The following DPYSL5 variants were observed in gnomAD, a reference collection of about 807,000 sequenced individuals.
The protein encoded by DPYSL5 is dihydropyrimidinase-related protein 5.
Under a neutral mutation model 58.4 loss-of-function variants are expected in DPYSL5, and 9 were observed. That is an observed-to-expected ratio of 0.15 (90% confidence interval 0.09 to 0.27). The LOEUF (loss-of-function observed/expected upper bound fraction) is 0.27. Among genes scored for constraint, DPYSL5 ranks in the 10% least tolerant of loss-of-function variants. The probability of loss-of-function intolerance (pLI) is 1.00; values close to 1 mark genes in which losing one functional copy is unlikely to be tolerated. For synonymous variants in DPYSL5, 293 were observed against 301.9 expected, an observed-to-expected ratio of 0.97 and a Z score of 0.31; for missense variants, 499 against 770.6, an observed-to-expected ratio of 0.65 and a Z score of 4.17.
intron 1 of DPYSL5, among the ~76,000 whole-genome samples, chr2:26,857,875 G>A (rs969973749): frequency 6.6e-6 from 1 of 152,190 alleles, no homozygotes; most frequent in East Asian, 1.9e-4. Context: ...TCAGCCTGTC[G>A]CATCTCATGT....
chr2:26,946,547 C>T (rs1421547574), intron 12 of DPYSL5, among the ~76,000 whole-genome samples: 2 of 152,054 alleles, frequency 1.3e-5, no homozygotes, highest in African/African-American at 4.8e-5. Flanking sequence ...TTTTCTCTCT[C>T]GCTTACTCAC....
chr2:26,921,536 G>A (rs925189551), intron 2 of DPYSL5, among the ~76,000 whole-genome samples: 25 of 152,262 alleles, frequency 1.6e-4, no homozygotes, highest in African/African-American at 5.8e-4. Flanking sequence ...ACACTAAAAA[G>A]GTCTGTCACA....
At chr2:26,931,152 A>AAAATAT (rs1209140758) in intron 5 of DPYSL5, among the ~76,000 whole-genome samples, 3 of 48,804 alleles carry the variant, frequency 6.1e-5, no homozygotes, top group Admixed American at 2.2e-4. Context: ...AAAAAAAAAA[A>AAAATAT]ATATATATAT....
In DPYSL5 at chr2:26,927,584, T is replaced by C. The variant is rs1664859166; in HGVS notation, c.600+152T>C. On this transcript the variant is annotated intron_variant, in intron 4 of 12. Transcript: ENST00000288699. This position sits in a 1 kb window ranked among gnomAD's most constrained non-coding sequence, Gnocchi z 4.3. ...TGTGGACACCCCAGCTGTCAGATCT[T>C]GGTCAGAAAATCCAAACTTTACTAC... 1.0e-6 allele frequency: 1 copy of C among 993,206 alleles called. No homozygotes were observed. Among genetic ancestry groups the C allele is most frequent in the Non-Finnish European group, 1.4e-6 (1 of 707,490 alleles). 61.5% of individuals were successfully genotyped at this position (993,206 alleles called of 1,614,324 possible). A position where few individuals can be genotyped will look rare whatever the true frequency, so the allele number is the denominator to read the frequency against.
chr2:26,943,999 A>C (rs1665394676), intron 11 of DPYSL5, among the ~76,000 whole-genome samples: 1 of 148,830 alleles, frequency 6.7e-6, no homozygotes, highest in South Asian at 2.1e-4. Flanking sequence ...CGCTCTCTAA[A>C]ATTGACTTCC....
Position 26,898,624 on chromosome 2 carries a change from T to A in DPYSL5, c.125T>A (p.Leu42His), listed in dbSNP as rs1392815078. The A allele has an allele frequency of 1.9e-6, 3 of 1,614,102 alleles. No homozygotes were observed. In the South Asian group the frequency reaches 3.3e-5, roughly 18 times the overall value. ...ATCATCCAGCAGGTGGGCCGCGAGC[T>A]CATGATCCCTGGCGGGGCCAAGGTG... is the stretch of plus-strand genomic sequence containing the variant. ...NGIIQQVGRE[L>H]MIPGGAKVID... Residue 42 changes from leucine (L) to histidine (H), a missense_variant, in exon 2 of 13, where the codon CTC (leucine) becomes CAC (histidine). Physicochemically the swap from Leu to His is moderately conservative, Grantham distance 99. This residue lies in a region of DPYSL5 where 404 missense variants were observed against 647.6 expected (regional missense o/e 0.62). Coordinates refer to ENST00000288699, the MANE Select transcript of DPYSL5 (RefSeq NM_020134.4). This position sits in a 1 kb window ranked among gnomAD's most constrained non-coding sequence, Gnocchi z 6.1.
chr2:26,946,085 C>G (rs1036948925), intron 12 of DPYSL5, among the ~76,000 whole-genome samples: 14 of 152,228 alleles, frequency 9.2e-5, no homozygotes, highest in Non-Finnish European at 1.3e-4. Context: ...GAAAGGGACC[C>G]TGGCATGGAA....
chr2:26,934,417 T>C lies in DPYSL5; in HGVS notation c.791-161T>C, dbSNP rs1665120288. Among the ~76,000 whole-genome samples, 1 of 152,192 alleles carries C rather than the reference T, an allele frequency of 6.6e-6. No homozygotes were observed. The highest frequency in any genetic ancestry group is 1.9e-4 in the East Asian group (1 of 5,194). On this transcript the variant is annotated intron_variant, in intron 7 of 12. Transcript: ENST00000288699. The surrounding 1 kb of genome is among the most constrained non-coding windows in gnomAD (Gnocchi z 4.3). ...AAGTCAGCAGAATAGGGAGGCTCTC[T>C]GGGCTTGAACCCAGCTGTGCTCTTA...
chr2:26,919,853 A>C (rs1290408047), intron 2 of DPYSL5, among the ~76,000 whole-genome samples: 1 of 152,180 alleles, frequency 6.6e-6, no homozygotes, highest in Non-Finnish European at 1.5e-5. Context: ...TGAAGTTGTA[A>C]ATGTCCATGA....
intron 11 of DPYSL5, among the ~76,000 whole-genome samples, chr2:26,943,235 G>A (rs1665372743): frequency 6.6e-6 from 1 of 152,178 alleles, no homozygotes; most frequent in African/African-American, 2.4e-5. Context: ...CAGAGCACAC[G>A]AGAGGGCTCA....
chr2:26,920,264 T>C (rs1439484009), intron 2 of DPYSL5, among the ~76,000 whole-genome samples: 3 of 152,226 alleles, frequency 2.0e-5, no homozygotes, highest in East Asian at 1.9e-4. Flanking sequence ...TATGGGTATA[T>C]GTTTTATTAT....
chr2:26,867,458 TG>T (rs67558866), intron 1 of DPYSL5, among the ~76,000 whole-genome samples: 24 of 137,470 alleles, frequency 1.7e-4, no homozygotes, highest in African/African-American at 3.1e-4. Flanking sequence ...TTTTTTTGTT[TG>T]TTTTTTTTTT....
intron 1 of DPYSL5, among the ~76,000 whole-genome samples, chr2:26,861,880 TATA>T (rs1666027093): frequency 1.3e-5 from 2 of 152,206 alleles, no homozygotes; most frequent in South Asian, 4.1e-4. Context: ...TATTATGTTA[TATA>T]ATACCTTATC....
intron 1 of DPYSL5, among the ~76,000 whole-genome samples, chr2:26,861,437 GA>G (rs1666011827): frequency 6.6e-6 from 1 of 152,222 alleles, no homozygotes; most frequent in Non-Finnish European, 1.5e-5. Flanking sequence ...GCAAGTGCTT[GA>G]TGAATACCTG....
intron 1 of DPYSL5, among the ~76,000 whole-genome samples, chr2:26,883,077 T>G (rs1364077864): frequency 6.6e-6 from 1 of 152,178 alleles, no homozygotes; most frequent in East Asian, 1.9e-4. Context: ...GTATGTTTTT[T>G]TAAAGTTTTA....
intron 1 of DPYSL5, among the ~76,000 whole-genome samples, chr2:26,885,996 G>T (rs1663708623): frequency 6.6e-6 from 1 of 152,220 alleles, no homozygotes; most frequent in African/African-American, 2.4e-5. Context: ...GGGGACAGGG[G>T]AGTTGGTTTT....
chr2:26,928,758 TGC>T lies in DPYSL5; in HGVS notation c.669+437_669+438del, dbSNP rs1183957739. 2.8e-3 allele frequency among the ~76,000 whole-genome samples: 81 copies of T among 28,818 alleles called. 1 individual carries two copies. Among genetic ancestry groups the T allele is most frequent in the East Asian group, 5.5e-3 (3 of 544 alleles). 18.9% of individuals were successfully genotyped at this position (28,818 alleles called of 152,430 possible). ...ACACACACGCACACACATACGTGTG[TGC>T]GTGTGTGTGTGTGTGTATAGCATCA... On this transcript the variant is annotated intron_variant, in intron 5 of 12. Coordinates refer to ENST00000288699, the MANE Select transcript of DPYSL5 (RefSeq NM_020134.4).
At chr2:26,899,562 A>G (rs1664102217) in intron 2 of DPYSL5, among the ~76,000 whole-genome samples, 1 of 152,102 alleles carries the variant, frequency 6.6e-6, no homozygotes, top group Admixed American at 6.6e-5. Context: ...CAGAGCCTGG[A>G]CTGACCTGGA....
chr2:26,941,872 G>A, intron 9 of DPYSL5, 78 bp from the exon 10 acceptor site: 1 of 1,591,494 alleles, frequency 6.3e-7, no homozygotes, highest in Non-Finnish European at 8.6e-7. Context: ...AAGTCCATGG[G>A]CCAGCATCAA....
Sources: gnomAD v4.1 joint callset for allele counts (sites outside exome capture counted in the v4.1 genomes callset) on GRCh38, gnomAD v4.1.1 for gene constraint, gnomAD v4.1.1 regional missense constraint, Gnocchi (gnomAD v3.1) non-coding constraint, MANE v1.5 for transcripts, NCBI Gene and HGNC (gene_info 2026-07-23, HGNC 2026-07-21) for gene names.